Variants in STK24 observed in about 807,000 individuals in gnomAD.
STK24 encodes the protein serine/threonine kinase 24.
In STK24, 21 loss-of-function variants were observed where a neutral mutation model predicts 55.6. The ratio of observed to expected loss-of-function variants is 0.38; its 90% CI spans 0.27 to 0.54. STK24 has a LOEUF of 0.54. Ranked by LOEUF, STK24 falls within the 20% of genes least tolerant of loss-of-function variation. The pLI, the probability that STK24 is intolerant of heterozygous loss-of-function variation, is 0.79. For missense variants in STK24, 383 were observed against 538.4 expected (o/e 0.71, Z 2.86); for synonymous variants, 200 against 215.2 (o/e 0.93, Z 0.62).
intron 1 of STK24, among the ~76,000 whole-genome samples, chr13:98,574,023 T>A (rs201771497): frequency 3.5e-4 from 36 of 103,448 alleles, no homozygotes; most frequent in East Asian, 1.4e-3. Flanking sequence ...ATTTTATTTT[T>A]TTTTTTGAGA....
chr13:98,561,071 A>AGT (rs1897404548), intron 1 of STK24, among the ~76,000 whole-genome samples: 1 of 152,182 alleles, frequency 6.6e-6, no homozygotes, highest in Non-Finnish European at 1.5e-5. Flanking sequence ...TGTGGACCCC[A>AGT]GTCTGCAGGC....
intron 2 of STK24, among the ~76,000 whole-genome samples, chr13:98,512,363 G>A (rs554242197): frequency 1.3e-5 from 2 of 152,026 alleles, no homozygotes; most frequent in African/African-American, 4.8e-5. Context: ...ACTCTTACCT[G>A]AGGTCCATAA....
intron 5 of STK24, among the ~76,000 whole-genome samples, chr13:98,466,858 G>A (rs1893943374): frequency 6.8e-6 from 1 of 146,260 alleles, no homozygotes; most frequent in Admixed American, 6.7e-5. Flanking sequence ...AGCAGGACCA[G>A]TAAGAGAGGT....
intron 2 of STK24, among the ~76,000 whole-genome samples, chr13:98,510,026 AT>A (rs1895829159): frequency 6.6e-6 from 1 of 152,180 alleles, no homozygotes; most frequent in African/African-American, 2.4e-5. Context: ...TTATGTAGCC[AT>A]TTTTCAAAAG....
chr13:98,476,251 C>A (rs1036119426), intron 3 of STK24, among the ~76,000 whole-genome samples: 1 of 142,552 alleles, frequency 7.0e-6, no homozygotes, highest in Non-Finnish European at 1.6e-5. Context: ...CCCCCCCCCG[C>A]CCCCTGCAGA....
intron 1 of STK24, among the ~76,000 whole-genome samples, chr13:98,531,926 C>T (rs1311919689): frequency 6.6e-6 from 1 of 152,166 alleles, no homozygotes; most frequent in Non-Finnish European, 1.5e-5. Flanking sequence ...TCAGCACCCT[C>T]CCAGGGCCGA....
intron 1 of STK24, among the ~76,000 whole-genome samples, chr13:98,555,945 G>C (rs1897279350): frequency 6.6e-6 from 1 of 151,244 alleles, no homozygotes; most frequent in Non-Finnish European, 1.5e-5. Flanking sequence ...GCCTCTCAAA[G>C]TGCTGGGATT....
At chr13:98,560,904 GAA>G (rs67026041) in intron 1 of STK24, among the ~76,000 whole-genome samples, 25,088 of 130,594 alleles carry the variant, frequency 0.19, 2,121 homozygotes, top group South Asian at 0.22. Context: ...TCAAAAAAAA[GAA>G]AAAAAAAAAA....
At chr13:98,491,776 AT>A (rs1218581283) in intron 2 of STK24, among the ~76,000 whole-genome samples, 6 of 152,194 alleles carry the variant, frequency 3.9e-5, no homozygotes, top group Non-Finnish European at 8.8e-5. Flanking sequence ...TGCATAAATA[AT>A]CAAAAATATT....
rs1566355166 is a variant in STK24, at chr13:98,474,982, C to T, written c.440-4G>A. The T allele has an allele frequency of 6.2e-7, 1 of 1,607,728 alleles. No homozygotes were observed. ...TCAGACAGCAGGACGTTGGCCGCTG[C>T]AAAAGAAAGCCAAGGCGGCCCTGGG... On this transcript the variant is annotated splice_region_variant and splice_polypyrimidine_tract_variant and intron_variant, in intron 4 of 10. Coordinates refer to ENST00000539966, the MANE Select transcript of STK24 (RefSeq NM_001032296.4).
At chr13:98,488,355 G>C (rs1374746761) in intron 2 of STK24, among the ~76,000 whole-genome samples, 1 of 152,132 alleles carries the variant, frequency 6.6e-6, no homozygotes, top group Non-Finnish European at 1.5e-5. Flanking sequence ...ACTTCGTTCT[G>C]GCAGCCCCAG....
At chr13:98,523,395 C>T (rs1896327092) in intron 1 of STK24, among the ~76,000 whole-genome samples, 1 of 152,244 alleles carries the variant, frequency 6.6e-6, no homozygotes, top group African/African-American at 2.4e-5. Context: ...ATAAATCCCA[C>T]CTCTCTGGGT....
chr13:98,473,685 T>G (rs1360895429), intron 5 of STK24, among the ~76,000 whole-genome samples: 1 of 152,078 alleles, frequency 6.6e-6, no homozygotes, highest in African/African-American at 2.4e-5. Context: ...CATCAGTCAC[T>G]CACCAGCCAG....
Position 98,449,615 on chromosome 13 carries a change from G to C in STK24, c.*3558C>G, listed in dbSNP as rs4584. 0.27 allele frequency: 41,404 copies of C among 152,470 alleles called. 5,746 individuals are homozygous for C. The highest frequency in any genetic ancestry group is 0.3 in the Non-Finnish European group (20,314 of 68,002). 9.4% of individuals were successfully genotyped at this position (152,470 alleles called of 1,614,324 possible). On this transcript the variant is annotated 3_prime_UTR_variant, in exon 11 of 11. Transcript: ENST00000539966. ...TCTCTGTGGAGCTCTGACTGGTGTA[G>C]CTGGAAACAAACAGCAACTTGCAAA...
intron 1 of STK24, among the ~76,000 whole-genome samples, chr13:98,551,016 G>C (rs1897146341): frequency 6.6e-6 from 1 of 152,138 alleles, no homozygotes; most frequent in Non-Finnish European, 1.5e-5. Context: ...GCCGGGCGTG[G>C]TGGCTCACGC....
intron 1 of STK24, among the ~76,000 whole-genome samples, chr13:98,524,292 C>T (rs1215685746): frequency 6.6e-6 from 1 of 152,044 alleles, no homozygotes; most frequent in Admixed American, 6.5e-5. Flanking sequence ...CTTGAACCAC[C>T]TGGCCTGTGG....
At chr13:98,488,560 A>G (rs1280064690) in intron 2 of STK24, among the ~76,000 whole-genome samples, 2 of 152,048 alleles carry the variant, frequency 1.3e-5, no homozygotes, top group Non-Finnish European at 2.9e-5. Context: ...AGTTTTTAAC[A>G]TATTGGGAAA....
chr13:98,460,865 C>T (rs556383912), intron 8 of STK24, among the ~76,000 whole-genome samples: 2 of 150,558 alleles, frequency 1.3e-5, no homozygotes, highest in African/African-American at 4.9e-5. Context: ...CATAGTGAGA[C>T]CATGTTTCTA....
At chr13:98,482,145 CCT>C (rs1894612367) in intron 3 of STK24, 118 bp downstream of exon 3, 2 of 503,308 alleles carry the variant, frequency 4.0e-6, no homozygotes, top group Admixed American at 3.7e-5. Flanking sequence ...TAGTTTGGTT[CCT>C]TTTTTAATGC....
Sources: gnomAD v4.1 joint callset for allele counts (sites outside exome capture counted in the v4.1 genomes callset) on GRCh38, gnomAD v4.1.1 for gene constraint, MANE v1.5 for transcripts, NCBI Gene and HGNC (gene_info 2026-07-23, HGNC 2026-07-21) for gene names.